The following RGS3 variants were observed in gnomAD, a reference collection of about 807,000 sequenced individuals.
RGS3 encodes the protein regulator of G protein signaling 3.
In RGS3, 80 loss-of-function variants were observed where a neutral mutation model predicts 132.6. That is an observed-to-expected ratio of 0.60 (90% CI 0.50 to 0.73). RGS3 has a LOEUF of 0.73. RGS3 is among the 30% of genes least tolerant of loss of function. RGS3 has a pLI of 0.00. For synonymous variants in RGS3, 598 were observed against 620.6 expected, an observed-to-expected ratio of 0.96 and a Z score of 0.54; for missense variants, 1,382 against 1,530.8, an observed-to-expected ratio of 0.90 and a Z score of 1.62.
chr9:113,489,797 T>C (rs966444381), intron 7 of RGS3, among the ~76,000 whole-genome samples: 11 of 152,002 alleles, frequency 7.2e-5, no homozygotes, highest in African/African-American at 2.7e-4. Flanking sequence ...CCTAAAGTGC[T>C]AGGATTACAG....
chr9:113,456,454 C>T (rs1372280233), upstream of RGS3, among the ~76,000 whole-genome samples: 3 of 152,194 alleles, frequency 2.0e-5, no homozygotes, highest in Non-Finnish European at 4.4e-5. Flanking sequence ...TAAACAATTT[C>T]TCAAGCCAGA....
At chr9:113,582,177 A>G (rs1834854602) in intron 19 of RGS3, 2 of 985,304 alleles carry the variant, frequency 2.0e-6, no homozygotes, top group South Asian at 4.7e-5. Context: ...CAGACTCCCC[A>G]GGGCTTCAAA....
chr9:113,585,127 GA>G lies in RGS3; in HGVS notation c.3015+702del, dbSNP rs553210867. Reference sequence around the variant, plus strand: ...GCTCTGCAACATGGCAGGAGCCACAGAAGTGTGTGAGGCTGGTCTCAACCTG... The same window carrying G: ...GCTCTGCAACATGGCAGGAGCCACAGAGTGTGTGAGGCTGGTCTCAACCTG... On this transcript the variant is annotated intron_variant, in intron 20 of 24. Transcript: ENST00000350696. Among the ~76,000 whole-genome samples the G allele has an allele frequency of 2.4e-3, 366 of 152,362 alleles. 1 individual carries two copies. Among genetic ancestry groups the G allele is most frequent in the African/African-American group, 8.1e-3 (335 of 41,584 alleles).
At chr9:113,559,291 G>A (rs541538697) in intron 19 of RGS3, among the ~76,000 whole-genome samples, 2 of 152,352 alleles carry the variant, frequency 1.3e-5, no homozygotes, top group African/African-American at 4.8e-5. Context: ...CCAAAAGCCC[G>A]AAGTCTCCGG....
chr9:113,489,400 C>T (rs900974512), intron 7 of RGS3, among the ~76,000 whole-genome samples: 5 of 152,176 alleles, frequency 3.3e-5, no homozygotes, highest in African/African-American at 9.7e-5. Context: ...TCCAGGTTCT[C>T]GCAGCTACAT....
At chr9:113,556,788 A>G (rs1257111491) in intron 19 of RGS3, among the ~76,000 whole-genome samples, 1 of 152,182 alleles carries the variant, frequency 6.6e-6, no homozygotes, top group Non-Finnish European at 1.5e-5. Flanking sequence ...TACTGAGGCC[A>G]GAGAGGGGCA....
intron 16 of RGS3, among the ~76,000 whole-genome samples, chr9:113,518,724 C>G (rs764305635): frequency 6.6e-6 from 1 of 152,136 alleles, no homozygotes; most frequent in Non-Finnish European, 1.5e-5. Flanking sequence ...TTTTCCGAAC[C>G]TCCTCTTGGG....
chr9:113,547,123 T>G (rs1301461147), intron 19 of RGS3, among the ~76,000 whole-genome samples: 1 of 152,174 alleles, frequency 6.6e-6, no homozygotes, highest in African/African-American at 2.4e-5. Context: ...GTCACTGTCT[T>G]GAGACACATA....
At chr9:113,460,516 G>A (rs955037857) in intron 1 of RGS3, among the ~76,000 whole-genome samples, 3 of 150,110 alleles carry the variant, frequency 2.0e-5, no homozygotes, top group Non-Finnish European at 4.4e-5. Flanking sequence ...GTGAGACTCC[G>A]TCTCCAAAAA....
intron 2 of RGS3, chr9:113,461,889 C>G: frequency 1.2e-6 from 2 of 1,602,442 alleles, no homozygotes; most frequent in Non-Finnish European, 1.7e-6. Context: ...ACATCACCTT[C>G]CCTTTTCCCT....
chr9:113,514,879 A>C (rs554116073), intron 15 of RGS3, among the ~76,000 whole-genome samples: 1 of 152,224 alleles, frequency 6.6e-6, no homozygotes, highest in South Asian at 2.1e-4. Flanking sequence ...CCAGTAAGGA[A>C]AGGGTCCTCT....
At chr9:113,535,490 A>G (rs1832642277) in intron 18 of RGS3, among the ~76,000 whole-genome samples, 1 of 152,242 alleles carries the variant, frequency 6.6e-6, no homozygotes, top group Admixed American at 6.5e-5. Context: ...TTATTAAACA[A>G]ATGAATTACT....
At chr9:113,551,860 A>G (rs931265030) in intron 19 of RGS3, among the ~76,000 whole-genome samples, 4 of 152,234 alleles carry the variant, frequency 2.6e-5, no homozygotes, top group Non-Finnish European at 5.9e-5. Context: ...CTCTGTCTCA[A>G]AAAATAAAAT....
chr9:113,473,803 T>G (rs1476658180), intron 3 of RGS3, among the ~76,000 whole-genome samples: 2 of 152,200 alleles, frequency 1.3e-5, no homozygotes, highest in Admixed American at 6.5e-5. Flanking sequence ...TATAGTAAAG[T>G]GCTGAGTACC....
At position 113,508,589 on chromosome 9, in the gene RGS3, CCTG is replaced by C; in HGVS notation, c.1477+19_1477+21del. ...GGATACCATCCCCGAAGGTGAGTCTCCTGCTGCTGCTGTGCCCTCCTAGCTCAG... is the reference window on the plus strand; with the variant it reads ...GGATACCATCCCCGAAGGTGAGTCTCCTGCTGCTGTGCCCTCCTAGCTCAG... On this transcript the variant is annotated intron_variant, in intron 14 of 24. Transcript: ENST00000350696. 6 of 1,611,486 alleles carry C rather than the reference CCTG, an allele frequency of 3.7e-6. No homozygotes were observed. The highest frequency in any genetic ancestry group is 1.1e-5 in the South Asian group (1 of 91,068).
chr9:113,480,007 A>G (rs1564466028), intron 4 of RGS3, among the ~76,000 whole-genome samples: 2 of 152,196 alleles, frequency 1.3e-5, no homozygotes, highest in Admixed American at 1.3e-4. Context: ...ATACTTGTTG[A>G]GTGGCCTTGA....
At chr9:113,480,756 A>T (rs1019465780) in intron 4 of RGS3, among the ~76,000 whole-genome samples, 4 of 152,244 alleles carry the variant, frequency 2.6e-5, no homozygotes, top group Non-Finnish European at 4.4e-5. Flanking sequence ...AGAGCTGTCT[A>T]GCATGGCTGG....
chr9:113,574,306 G>A (rs535392339), intron 19 of RGS3, among the ~76,000 whole-genome samples: 2 of 152,292 alleles, frequency 1.3e-5, no homozygotes, highest in East Asian at 3.9e-4. Flanking sequence ...TGCTGGCTCT[G>A]GCTCAGCCTG....
At chr9:113,451,710 A>G (rs889833520) in intron 1 of RGS3, among the ~76,000 whole-genome samples, 1 of 151,316 alleles carries the variant, frequency 6.6e-6, no homozygotes, top group African/African-American at 2.4e-5. Context: ...AATGGTTCCT[A>G]TCCTAGTTAT....
Sources: allele counts gnomAD v4.1 joint callset (sites outside exome capture counted in the v4.1 genomes callset), GRCh38; gene constraint gnomAD v4.1.1; transcripts MANE v1.5; gene names NCBI Gene and HGNC (gene_info 2026-07-23, HGNC 2026-07-21).